Variants in ARHGEF11 observed in about 807,000 individuals in gnomAD.
The protein encoded by ARHGEF11 is Rho guanine exchange factor (GEF) 11.
Under a neutral mutation model 193.7 loss-of-function variants are expected in ARHGEF11, and 55 were observed. That is an observed-to-expected ratio of 0.28 (90% CI 0.23 to 0.36). The LOEUF is 0.36. Among genes scored for constraint, ARHGEF11 ranks in the 10% least tolerant of loss-of-function variants. ARHGEF11 has a pLI of 1.00. For missense variants in ARHGEF11, 1,723 were observed against 2,005.6 expected (o/e 0.86, Z 2.69); for synonymous variants, 693 against 768.0 (o/e 0.90, Z 1.62).
chr1:156,985,843 C>A, intron 2 of ARHGEF11: 1 of 415,170 alleles, frequency 2.4e-6, no homozygotes, highest in Non-Finnish European at 4.4e-6. Flanking sequence ...GTGTTCTGAC[C>A]TGCTCCATTT....
intron 7 of ARHGEF11, among the ~76,000 whole-genome samples, chr1:156,974,607 AT>A (rs1266993716): frequency 6.6e-6 from 1 of 152,164 alleles, no homozygotes; most frequent in Non-Finnish European, 1.5e-5. Flanking sequence ...CTACTACCTA[AT>A]TCCAGAACAT....
At chr1:156,963,490 G>A (rs755662568) in intron 12 of ARHGEF11, 30 bp downstream of exon 12, 1 of 1,603,230 alleles carries the variant, frequency 6.2e-7, no homozygotes, top group East Asian at 2.2e-5. Flanking sequence ...AAAAAAAAAT[G>A]ATGAAAGGAG....
At chr1:157,037,046 T>C (rs1430197567) in intron 1 of ARHGEF11, among the ~76,000 whole-genome samples, 2 of 152,140 alleles carry the variant, frequency 1.3e-5, no homozygotes, top group Non-Finnish European at 2.9e-5. Context: ...GAGAATTGCT[T>C]GAACCTGGGA....
intron 36 of ARHGEF11, 130 bp downstream of exon 36, chr1:156,940,076 CT>C: frequency 7.1e-7 from 1 of 1,398,936 alleles, no homozygotes; most frequent in East Asian, 2.4e-5. Context: ...TGACATCTGT[CT>C]CCGCATCCAT....
In ARHGEF11 at chr1:157,023,015, T is replaced by C. The variant is rs1432984187; in HGVS notation, c.32+21284A>G. On this transcript the variant is annotated intron_variant, in intron 1 of 40. Coordinates refer to ENST00000368194, the MANE Select transcript of ARHGEF11 (RefSeq NM_198236.3). ...ATAAAAATTAACTCAAAATGGACCA[T>C]AGACTATATGAGTTAAACTATGAAA... Among the ~76,000 whole-genome samples, 7 of 152,178 alleles carry C rather than the reference T, an allele frequency of 4.6e-5. No individual in the cohort carries two copies. In the East Asian group the frequency reaches 5.8e-4, roughly 13 times the overall value.
In ARHGEF11 at chr1:156,978,345, T is replaced by C. The variant is rs772549179; in HGVS notation, c.369A>G (p.Ser123=). ...GCCCAGAGATGCCCATGGATGAAGG[T>C]GAAGAGCCCAGGAGGGTGAGTGCGA... ...AYVALTLLGS[S]PSSMGISGLQ... Residue 123 remains serine (S), a synonymous_variant, in exon 6 of 41, where the codon TCA becomes TCG. Transcript: ENST00000368194. 2 of 1,612,860 alleles carry C rather than the reference T, an allele frequency of 1.2e-6. No individual in the cohort carries two copies. The highest frequency in any genetic ancestry group is 4.5e-5 in the East Asian group (2 of 44,866).
At chr1:156,999,491 C>G (rs1666947979) in intron 1 of ARHGEF11, among the ~76,000 whole-genome samples, 1 of 151,886 alleles carries the variant, frequency 6.6e-6, no homozygotes, top group Admixed American at 6.6e-5. Context: ...TGCACCCAGG[C>G]AGAACTACAT....
chr1:156,952,224 G>C (rs1659213819), intron 21 of ARHGEF11, among the ~76,000 whole-genome samples: 1 of 151,924 alleles, frequency 6.6e-6, no homozygotes, highest in South Asian at 2.1e-4. Context: ...AGACTCTTTA[G>C]TACCGTAAGA....
At chr1:157,035,651 G>C (rs919495039) in intron 1 of ARHGEF11, among the ~76,000 whole-genome samples, 7 of 151,504 alleles carry the variant, frequency 4.6e-5, no homozygotes, top group Admixed American at 3.3e-4. Flanking sequence ...TAGCTAGTTA[G>C]TCACTCAGCT....
intron 37 of ARHGEF11, 174 bp downstream of exon 37, chr1:156,939,374 T>A: frequency 1.2e-6 from 1 of 845,390 alleles, no homozygotes; most frequent in East Asian, 2.5e-5. Context: ...ATCTCGAATG[T>A]CCAACTCCAA....
Position 156,978,054 on chromosome 1 carries a change from T to C in ARHGEF11, c.510+150A>G. ...ACAACTGTTATTGTGCAGCCTTCAT[T>C]TTTGTTCAACTCTTTCAATGGTCTT... On this transcript the variant is annotated intron_variant, in intron 6 of 40. Transcript: ENST00000368194. 3 of 1,277,760 alleles carry C rather than the reference T, an allele frequency of 2.3e-6. No homozygotes were observed. The South Asian group carries it at 4.6e-5, about 20-fold the overall frequency. The allele number at this position is 1,277,760 out of a possible 1,614,324, so 79.2% of individuals were successfully genotyped here.
Position 156,948,524 on chromosome 1 carries a change from G to T in ARHGEF11, c.1926-26C>A. The T allele has an allele frequency of 6.2e-7, 1 of 1,614,124 alleles. No homozygotes were observed. The highest frequency in any genetic ancestry group is 8.5e-7 in the Non-Finnish European group (1 of 1,180,000). ...CTGGGGGGAAGGGACAAAAGACTTT[G>T]GGACTTGGGAAGTCAGTGGGCCATG... On this transcript the variant is annotated intron_variant, in intron 22 of 40. Coordinates refer to ENST00000368194, the MANE Select transcript of ARHGEF11 (RefSeq NM_198236.3). The surrounding 1 kb of genome is among the most constrained non-coding windows in gnomAD (Gnocchi z 4.2).
At chr1:157,041,111 G>A (rs1439895736) in intron 1 of ARHGEF11, among the ~76,000 whole-genome samples, 3 of 152,202 alleles carry the variant, frequency 2.0e-5, no homozygotes, top group African/African-American at 7.2e-5. Flanking sequence ...TTTCATGGAT[G>A]CAAACCCCTA....
intron 1 of ARHGEF11, among the ~76,000 whole-genome samples, chr1:157,006,277 A>G (rs822580): frequency 0.76 from 115,052 of 152,014 alleles, 43,989 homozygotes; most frequent in Non-Finnish European, 0.81. Context: ...TGGCCCACAC[A>G]TCACAAATTT....
chr1:156,982,207 A>G lies in ARHGEF11; in HGVS notation c.224-1721T>C, dbSNP rs375490253. 5.9e-5 allele frequency among the ~76,000 whole-genome samples: 9 copies of G among 152,008 alleles called. No homozygotes were observed. In the East Asian group the frequency reaches 1.7e-3, roughly 29 times the overall value. On this transcript the variant is annotated intron_variant, in intron 3 of 40. Transcript: ENST00000368194. ...ATAACTTAGTGTTTTTTTTTTTTAA[A>G]CTAAACTCTTCAGAGTTAAGGAACT...
Position 156,979,407 on chromosome 1 carries a change from C to G in ARHGEF11, c.274-121G>C, listed in dbSNP as rs1663785837. On this transcript the variant is annotated intron_variant, in intron 4 of 40. Transcript: ENST00000368194. The stretch of plus-strand genomic sequence containing the variant: ...TTGAGATGGAGTCTTGCTCTGTCAC[C>G]CAGGCTGGAGTGCAGTGGCCCATCT... The G allele has an allele frequency of 2.6e-5, 19 of 732,092 alleles. 1 individual carries two copies. Among genetic ancestry groups the G allele is most frequent in the South Asian group, 1.6e-4 (9 of 56,904 alleles). 45.3% of individuals were successfully genotyped at this position (732,092 alleles called of 1,614,324 possible). A position where few individuals can be genotyped will look rare whatever the true frequency, so the allele number is the denominator to read the frequency against.
chr1:156,973,452 C>T (rs547600763), intron 7 of ARHGEF11, among the ~76,000 whole-genome samples: 1 of 152,352 alleles, frequency 6.6e-6, no homozygotes, highest in South Asian at 2.1e-4. Flanking sequence ...CCTCTCTGTA[C>T]TGGTGTTCTG....
rs759602380 is a variant in ARHGEF11, at chr1:156,959,123, G to A, written c.1302C>T (p.Ser434=). 34 of 1,614,066 alleles carry A rather than the reference G, an allele frequency of 2.1e-5. No homozygotes were observed. The highest frequency in any genetic ancestry group is 1.4e-5 in the Non-Finnish European group (16 of 1,180,036). Residue 434 remains serine (S), a synonymous_variant, in exon 16 of 41, where the codon AGC becomes AGT. Transcript: ENST00000368194. ...CACAGAGAACACCACGGGCATCTTC[G>A]CTGTTCCGCAGGCGCGAGTCTGTAG... The part of the protein sequence containing the change: ...QAEIDSRLRN[S]EDARGVLCEA...
At chr1:156,939,456 G>T (rs1261261830) in intron 37 of ARHGEF11, 92 bp downstream of exon 37, 2 of 1,564,764 alleles carry the variant, frequency 1.3e-6, no homozygotes, top group East Asian at 2.2e-5. Context: ...CGGTACCCAG[G>T]GGGAGTATAG....
Sources: gnomAD v4.1 joint callset for allele counts (sites outside exome capture counted in the v4.1 genomes callset) on GRCh38, gnomAD v4.1.1 for gene constraint, Gnocchi (gnomAD v3.1) non-coding constraint, MANE v1.5 for transcripts, NCBI Gene and HGNC (gene_info 2026-07-23, HGNC 2026-07-21) for gene names.